The following GRM1 variants were observed in gnomAD, a reference collection of about 807,000 sequenced individuals.
The protein encoded by GRM1 is metabotropic glutamate receptor 1.
Under a neutral mutation model 90.9 loss-of-function variants are expected in GRM1, and 33 were observed. That is an observed-to-expected ratio of 0.36 (90% CI 0.28 to 0.49). The LOEUF is 0.49. Among genes scored for constraint, GRM1 ranks in the 20% least tolerant of loss-of-function variants. The pLI is 0.99. For missense variants in GRM1, 1,190 were observed against 1,534.3 expected (o/e 0.78, Z 3.75); for synonymous variants, 700 against 613.2 (o/e 1.14, Z -2.09).
chr6:146,383,163 C>T (rs1776380975), intron 5 of GRM1, among the ~76,000 whole-genome samples: 1 of 152,190 alleles, frequency 6.6e-6, no homozygotes, highest in Non-Finnish European at 1.5e-5. Flanking sequence ...TCCATGTAAG[C>T]ATCCCTATTT....
chr6:146,215,959 G>A (rs941444176), intron 2 of GRM1, among the ~76,000 whole-genome samples: 9 of 151,980 alleles, frequency 5.9e-5, no homozygotes, highest in African/African-American at 1.2e-4. Context: ...GGGTTTCACC[G>A]TGTTAGCCAG....
intron 2 of GRM1, among the ~76,000 whole-genome samples, chr6:146,294,791 C>G (rs1285807403): frequency 6.6e-6 from 1 of 152,050 alleles, no homozygotes; most frequent in Non-Finnish European, 1.5e-5. Flanking sequence ...TTCTTTATTC[C>G]TAATAAAGAT....
intron 7 of GRM1, among the ~76,000 whole-genome samples, chr6:146,420,452 A>AGTCTGTGGTTGAT (rs1275358943): frequency 6.6e-6 from 1 of 152,230 alleles, no homozygotes; most frequent in Admixed American, 6.5e-5. Flanking sequence ...GATTTTTATC[A>AGTCTGTGGTTGAT]AAATGACTGT....
At chr6:146,327,225 C>T (rs1255155313) in intron 3 of GRM1, among the ~76,000 whole-genome samples, 6 of 152,256 alleles carry the variant, frequency 3.9e-5, no homozygotes, top group African/African-American at 1.4e-4. Flanking sequence ...CACCATAGGT[C>T]TCTTGGCTGT....
chr6:146,342,523 G>T (rs1217230989), intron 3 of GRM1, among the ~76,000 whole-genome samples: 5 of 152,170 alleles, frequency 3.3e-5, no homozygotes, highest in African/African-American at 4.8e-5. Flanking sequence ...CAGGCAGGCT[G>T]GGTGTTAATC....
intron 2 of GRM1, among the ~76,000 whole-genome samples, chr6:146,164,580 A>G (rs970114746): frequency 2.6e-5 from 4 of 152,142 alleles, no homozygotes; most frequent in African/African-American, 9.7e-5. Context: ...GTATCTGAAC[A>G]ATTCATCTGT....
intron 2 of GRM1, among the ~76,000 whole-genome samples, chr6:146,162,244 G>A (rs887335871): frequency 3.9e-5 from 6 of 152,192 alleles, no homozygotes; most frequent in Non-Finnish European, 7.3e-5. Context: ...AGGGCATTGT[G>A]TAGGTGGTCA....
intron 2 of GRM1, among the ~76,000 whole-genome samples, chr6:146,190,828 C>T (rs1778912563): frequency 6.6e-6 from 1 of 152,162 alleles, no homozygotes; most frequent in Non-Finnish European, 1.5e-5. Flanking sequence ...AATTTTCTCT[C>T]TCCCCAATCT....
rs138411552 is a variant in GRM1 at position 146,063,520 on chromosome 6, G to C, written c.700+33303G>C. Among the ~76,000 whole-genome samples the C allele has an allele frequency of 6.2e-4, 95 of 152,190 alleles. 1 individual carries two copies. The East Asian group carries it at 0.014, about 23-fold the overall frequency. On this transcript the variant is annotated intron_variant, in intron 1 of 7. Transcript: ENST00000282753. ...CTTGGACATCTTAATAGGCATTTGG[G>C]AAGGGAGATTTCTTACTTTTATTTT...
chr6:146,435,047 A>T lies in GRM1; in HGVS notation c.*251A>T. 1 of 592,768 alleles carries T rather than the reference A, an allele frequency of 1.7e-6. No individual in the cohort carries two copies. The highest frequency in any genetic ancestry group is 2.0e-5 in the South Asian group (1 of 50,472). The allele number at this position is 592,768 out of a possible 1,614,324, so 36.7% of individuals were successfully genotyped here. ...CGAAGCCTTCTCTGGGAAGAAAGGGAATTCTGACAAAGCACAATTCCATAT... is the reference window on the plus strand; with the variant it reads ...CGAAGCCTTCTCTGGGAAGAAAGGGTATTCTGACAAAGCACAATTCCATAT... On this transcript the variant is annotated 3_prime_UTR_variant, in exon 8 of 8. Coordinates refer to ENST00000282753, the MANE Select transcript of GRM1 (RefSeq NM_001278064.2).
intron 6 of GRM1, among the ~76,000 whole-genome samples, chr6:146,391,465 G>C (rs1258671947): frequency 6.6e-6 from 1 of 151,988 alleles, no homozygotes; most frequent in Non-Finnish European, 1.5e-5. Context: ...TGAGTTCTGA[G>C]GTTAGGTGGA....
chr6:146,327,507 G>T (rs1054909808), intron 3 of GRM1, among the ~76,000 whole-genome samples: 1 of 152,134 alleles, frequency 6.6e-6, no homozygotes, highest in African/African-American at 2.4e-5. Flanking sequence ...CCACTTTGTA[G>T]TGTCCTAAGC....
chr6:146,151,502 C>G (rs1398645886), intron 1 of GRM1, among the ~76,000 whole-genome samples: 2 of 152,096 alleles, frequency 1.3e-5, no homozygotes, highest in Non-Finnish European at 2.9e-5. Flanking sequence ...GAAAAAAAAT[C>G]AATTTAAAGC....
At chr6:146,244,201 T>C (rs1306550207) in intron 2 of GRM1, among the ~76,000 whole-genome samples, 1 of 152,046 alleles carries the variant, frequency 6.6e-6, no homozygotes, top group African/African-American at 2.4e-5. Context: ...GATGACAGGA[T>C]TAAGAGATTA....
intron 1 of GRM1, among the ~76,000 whole-genome samples, chr6:146,140,119 T>TTCTG (rs1203246537): frequency 7.4e-6 from 1 of 135,486 alleles, no homozygotes. Flanking sequence ...CTTTCTTTCT[T>TTCTG]TCTTTCTTTC....
chr6:146,423,380 T>G (rs2114665731), intron 7 of GRM1, among the ~76,000 whole-genome samples: 1 of 152,282 alleles, frequency 6.6e-6, no homozygotes, highest in Non-Finnish European at 1.5e-5. Context: ...AAAAGCAAGG[T>G]CTGTATGCAG....
chr6:146,243,563 G>A (rs1444525698), intron 2 of GRM1, among the ~76,000 whole-genome samples: 1 of 152,064 alleles, frequency 6.6e-6, no homozygotes, highest in Non-Finnish European at 1.5e-5. Flanking sequence ...AAAGGGGAGG[G>A]AGTGTACGAA....
intron 2 of GRM1, among the ~76,000 whole-genome samples, chr6:146,241,218 T>C (rs980005950): frequency 6.6e-6 from 1 of 152,112 alleles, no homozygotes; most frequent in Non-Finnish European, 1.5e-5. Context: ...TCTACTTAAA[T>C]GCAAAGTTGA....
intron 2 of GRM1, among the ~76,000 whole-genome samples, chr6:146,290,985 C>T (rs1406252599): frequency 6.6e-5 from 10 of 152,022 alleles, no homozygotes; most frequent in Non-Finnish European, 1.0e-4. Context: ...TAATGACCCC[C>T]CAAAAATGTC....
Sources: allele counts gnomAD v4.1 joint callset (sites outside exome capture counted in the v4.1 genomes callset), GRCh38; gene constraint gnomAD v4.1.1; transcripts MANE v1.5; gene names NCBI Gene and HGNC (gene_info 2026-07-23, HGNC 2026-07-21).